DCDC2: variants seen among roughly 807,000 people sequenced by gnomAD.
DCDC2 encodes the protein doublecortin domain-containing protein 2.
Under a neutral mutation model 50.2 loss-of-function variants are expected in DCDC2, and 40 were observed. The observed-to-expected ratio is 0.80, with a 90% confidence interval of 0.62 to 1.04. The LOEUF is 1.04. Ranked by LOEUF, DCDC2 falls within the 50% of genes least tolerant of loss-of-function variation. DCDC2 has a pLI of 0.00. For synonymous variants in DCDC2, 234 were observed against 210.6 expected (o/e 1.11, Z -0.96); for missense variants, 570 against 581.9 (o/e 0.98, Z 0.21).
At chr6:24,322,911 C>A (rs1338503252) in intron 2 of DCDC2, among the ~76,000 whole-genome samples, 1 of 152,220 alleles carries the variant, frequency 6.6e-6, no homozygotes, top group Non-Finnish European at 1.5e-5. Flanking sequence ...AGGCCATGGT[C>A]ACTCATATTT....
chr6:24,191,167 T>C (rs1252938083), intron 8 of DCDC2, among the ~76,000 whole-genome samples: 1 of 152,226 alleles, frequency 6.6e-6, no homozygotes, highest in African/African-American at 2.4e-5. Context: ...TTGGGGAACC[T>C]GTCACAGAAA....
At chr6:24,345,313 T>C (rs1758509717) in intron 2 of DCDC2, among the ~76,000 whole-genome samples, 1 of 152,208 alleles carries the variant, frequency 6.6e-6, no homozygotes, top group South Asian at 2.1e-4. Flanking sequence ...GTATGTTTCA[T>C]TAGAGATTAT....
At chr6:24,267,627 T>C (rs1002275014) in intron 7 of DCDC2, among the ~76,000 whole-genome samples, 12 of 152,072 alleles carry the variant, frequency 7.9e-5, no homozygotes, top group Non-Finnish European at 1.5e-4. Flanking sequence ...AAGAAATAAG[T>C]ATACAAAAGC....
chr6:24,199,687 T>C (rs1761537984), intron 8 of DCDC2, among the ~76,000 whole-genome samples: 1 of 152,096 alleles, frequency 6.6e-6, no homozygotes, highest in African/African-American at 2.4e-5. Context: ...GAAGCAGGCT[T>C]CAGAAGGTGG....
At chr6:24,210,047 TGTG>T in intron 7 of DCDC2, among the ~76,000 whole-genome samples, 1 of 143,132 alleles carries the variant, frequency 7.0e-6, no homozygotes, top group South Asian at 2.1e-4. Context: ...TGTGTGTGTG[TGTG>T]TGTGTCTGTC....
chr6:24,186,427 C>CTA (rs1413869746), intron 8 of DCDC2, among the ~76,000 whole-genome samples: 1 of 152,168 alleles, frequency 6.6e-6, no homozygotes, highest in African/African-American at 2.4e-5. Flanking sequence ...GTTACATGGC[C>CTA]AGTAGATGAA....
At chr6:24,346,637 C>T (rs918246852) in intron 2 of DCDC2, among the ~76,000 whole-genome samples, 3 of 151,958 alleles carry the variant, frequency 2.0e-5, no homozygotes, top group Admixed American at 2.0e-4. Flanking sequence ...TGTCTGTAGT[C>T]CCAGCTACTG....
chr6:24,206,625 T>C (rs1327274953), intron 7 of DCDC2, among the ~76,000 whole-genome samples: 4 of 152,186 alleles, frequency 2.6e-5, no homozygotes, highest in African/African-American at 9.6e-5. Flanking sequence ...GTCTTAATAC[T>C]CACATTCAAT....
intron 8 of DCDC2, among the ~76,000 whole-genome samples, chr6:24,202,617 T>A (rs1761612748): frequency 6.6e-6 from 1 of 152,166 alleles, no homozygotes; most frequent in Non-Finnish European, 1.5e-5. Flanking sequence ...AACATAGTAT[T>A]AGAAGTTCTG....
intron 7 of DCDC2, among the ~76,000 whole-genome samples, chr6:24,273,496 T>A (rs747947444): frequency 7.2e-5 from 11 of 152,236 alleles, no homozygotes; most frequent in South Asian, 2.1e-4. Context: ...GAGACACCAA[T>A]GAATCATAAA....
At chr6:24,346,184 G>T (rs1760251365) in intron 2 of DCDC2, among the ~76,000 whole-genome samples, 1 of 150,780 alleles carries the variant, frequency 6.6e-6, no homozygotes, top group African/African-American at 2.4e-5. Context: ...ATTTACTGCT[G>T]ACCCTGAGAA....
intron 2 of DCDC2, among the ~76,000 whole-genome samples, chr6:24,348,068 T>C (rs1760300616): frequency 6.6e-6 from 1 of 152,200 alleles, no homozygotes; most frequent in African/African-American, 2.4e-5. Context: ...TGTTAAAGCC[T>C]AATCAGAAGT....
intron 8 of DCDC2, among the ~76,000 whole-genome samples, chr6:24,196,942 T>C (rs1761456395): frequency 6.6e-6 from 1 of 152,206 alleles, no homozygotes; most frequent in African/African-American, 2.4e-5. Context: ...ATTTATAATA[T>C]AGCTGCTTAG....
intron 7 of DCDC2, among the ~76,000 whole-genome samples, chr6:24,220,408 T>C (rs1049349023): frequency 1.3e-5 from 2 of 152,132 alleles, no homozygotes; most frequent in African/African-American, 4.8e-5. Flanking sequence ...AACAAATCCA[T>C]GACAGGTCAA....
intron 8 of DCDC2, among the ~76,000 whole-genome samples, chr6:24,189,296 C>T (rs1761267096): frequency 6.6e-6 from 1 of 152,100 alleles, no homozygotes; most frequent in Non-Finnish European, 1.5e-5. Flanking sequence ...AGAGAATATG[C>T]ATGCAGTTAC....
At chr6:24,377,800 C>T in the DCDC2 span, among the ~76,000 whole-genome samples, 1 of 152,146 alleles carries the variant, frequency 6.6e-6, no homozygotes, top group African/African-American at 2.4e-5. Context: ...CCAGCCTGGC[C>T]AGTATGGTGA....
intron 7 of DCDC2, among the ~76,000 whole-genome samples, chr6:24,246,063 G>A (rs1049663857): frequency 6.6e-6 from 1 of 151,930 alleles, no homozygotes; most frequent in African/African-American, 2.4e-5. Flanking sequence ...GAGTGCACTG[G>A]CACACTGCAA....
chr6:24,183,567 G>C (rs575407248), intron 8 of DCDC2, among the ~76,000 whole-genome samples: 1 of 152,278 alleles, frequency 6.6e-6, no homozygotes, highest in South Asian at 2.1e-4. Flanking sequence ...GAAAAGCCCT[G>C]TGGACCCTTG....
intron 2 of DCDC2, among the ~76,000 whole-genome samples, chr6:24,327,141 AG>A (rs1759884064): frequency 6.7e-6 from 1 of 149,418 alleles, no homozygotes; most frequent in South Asian, 2.2e-4. Context: ...GTATTTGATG[AG>A]GGGAACTGAA....
Sources: allele counts gnomAD v4.1 joint callset (sites outside exome capture counted in the v4.1 genomes callset), GRCh38; gene constraint gnomAD v4.1.1; transcripts MANE v1.5; gene names NCBI Gene and HGNC (gene_info 2026-07-23, HGNC 2026-07-21).